MTUS2: variants seen among roughly 807,000 people sequenced by gnomAD.
MTUS2 encodes the protein microtubule-associated tumor suppressor candidate 2.
In MTUS2, 40 loss-of-function variants were observed where a neutral mutation model predicts 114.1. The ratio of observed to expected loss-of-function variants is 0.35; its 90% CI spans 0.27 to 0.46. The LOEUF (loss-of-function observed/expected upper bound fraction) is 0.46. Among genes scored for constraint, MTUS2 ranks in the 20% least tolerant of loss-of-function variants. The probability of loss-of-function intolerance (pLI) is 1.00; values close to 1 mark genes in which losing one functional copy is unlikely to be tolerated. For missense variants in MTUS2, 1,679 were observed against 1,705.4 expected, an observed-to-expected ratio of 0.98 and a Z score of 0.27; for synonymous variants, 688 against 672.0, an observed-to-expected ratio of 1.02 and a Z score of -0.37.
At chr13:28,854,052 G>T (rs1876470046) in intron 2 of MTUS2, among the ~76,000 whole-genome samples, 1 of 152,198 alleles carries the variant, frequency 6.6e-6, no homozygotes, top group South Asian at 2.1e-4. Context: ...ACTCAAGAAA[G>T]CTTAGTGTCC....
intron 5 of MTUS2, among the ~76,000 whole-genome samples, chr13:29,146,515 C>T (rs1291750598): frequency 2.0e-5 from 3 of 152,176 alleles, no homozygotes; most frequent in Admixed American, 1.3e-4. Context: ...ACTAGGCATC[C>T]AATTTCAGCA....
At chr13:29,174,550 A>C (rs2139131689) in intron 5 of MTUS2, among the ~76,000 whole-genome samples, 1 of 152,334 alleles carries the variant, frequency 6.6e-6, no homozygotes, top group East Asian at 1.9e-4. Context: ...TGATGTACAA[A>C]TAAAAGATTA....
chr13:29,059,452 T>C (rs2138638640), intron 4 of MTUS2, among the ~76,000 whole-genome samples: 1 of 152,242 alleles, frequency 6.6e-6, no homozygotes, highest in South Asian at 2.1e-4. Flanking sequence ...AAATCAGCCC[T>C]AATCTACTCT....
intron 2 of MTUS2, among the ~76,000 whole-genome samples, chr13:28,899,575 A>G (rs1879509378): frequency 6.6e-6 from 1 of 151,912 alleles, no homozygotes; most frequent in Non-Finnish European, 1.5e-5. Context: ...ACGCCTGGCT[A>G]ATTTTTTTGA....
intron 2 of MTUS2, among the ~76,000 whole-genome samples, chr13:28,888,841 A>T (rs1279247791): frequency 6.6e-6 from 1 of 152,234 alleles, no homozygotes; most frequent in African/African-American, 2.4e-5. Context: ...GTCCCTTGAG[A>T]TATTGCAAGC....
intron 5 of MTUS2, among the ~76,000 whole-genome samples, chr13:29,212,741 G>A (rs1278573736): frequency 2.0e-5 from 3 of 152,298 alleles, no homozygotes; most frequent in Admixed American, 1.3e-4. Flanking sequence ...GGGGTCCTGA[G>A]TGTGGGAGCT....
chr13:29,025,304 C>G lies in MTUS2; in HGVS notation c.606C>G (p.Ser202=). 6.2e-7 allele frequency: 1 copy of G among 1,613,934 alleles called. No individual in the cohort carries two copies. The highest frequency in any genetic ancestry group is 1.3e-5 in the African/African-American group (1 of 75,028). The change falls in exon 3 of 16, where the codon TCC becomes TCG. Residue 202 remains serine, a synonymous_variant. Transcript: ENST00000612955. Reference sequence around the variant, plus strand: ...ATCCACAGCCTCTATCCCTCGACTCCCGGGAAGCACGGGGTCAGATACCTG... The same window carrying G: ...ATCCACAGCCTCTATCCCTCGACTCGCGGGAAGCACGGGGTCAGATACCTG... ...PQHPQPLSLD[S]REARGQIPGG... is the part of the protein sequence containing the mutation.
At chr13:29,286,484 T>TA (rs1180614465) in intron 6 of MTUS2, among the ~76,000 whole-genome samples, 1 of 152,132 alleles carries the variant, frequency 6.6e-6, no homozygotes, top group Non-Finnish European at 1.5e-5. Context: ...AATAGCATGG[T>TA]AAAATGTGTA....
intron 5 of MTUS2, among the ~76,000 whole-genome samples, chr13:29,118,816 C>T (rs1387335029): frequency 9.9e-5 from 15 of 152,162 alleles, no homozygotes; most frequent in Non-Finnish European, 2.9e-5. Flanking sequence ...GTGCTGTCAC[C>T]TTGGACAAAT....
At chr13:28,871,457 TA>T (rs1348780635) in intron 2 of MTUS2, among the ~76,000 whole-genome samples, 4 of 152,158 alleles carry the variant, frequency 2.6e-5, no homozygotes, top group Admixed American at 2.6e-4. Flanking sequence ...TATAAGATGA[TA>T]ATGGATAGGA....
chr13:29,125,010 G>A (rs1037631300), intron 5 of MTUS2, among the ~76,000 whole-genome samples: 1 of 152,116 alleles, frequency 6.6e-6, no homozygotes, highest in Non-Finnish European at 1.5e-5. Flanking sequence ...GGAGATGGAT[G>A]GTTGTAATTG....
intron 14 of MTUS2, 33 bp from the exon 15 acceptor site, chr13:29,501,064 G>C (rs370893656): frequency 4.0e-5 from 63 of 1,591,622 alleles, no homozygotes; most frequent in Non-Finnish European, 3.9e-5. Context: ...TTATGGCCTT[G>C]CTAGAACCTC....
At chr13:28,861,068 G>A (rs1477033956) in intron 2 of MTUS2, among the ~76,000 whole-genome samples, 2 of 152,152 alleles carry the variant, frequency 1.3e-5, no homozygotes, top group African/African-American at 2.4e-5. Context: ...GGCTGGTAGA[G>A]GGCAGGGCAG....
chr13:29,283,502 ATAAT>A (rs1474380300), intron 6 of MTUS2, among the ~76,000 whole-genome samples: 1 of 152,212 alleles, frequency 6.6e-6, no homozygotes, highest in South Asian at 2.1e-4. Flanking sequence ...TAATTAGAAA[ATAAT>A]TAGACAGCCC....
chr13:28,885,014 G>A (rs1303415827), intron 2 of MTUS2, among the ~76,000 whole-genome samples: 3 of 151,932 alleles, frequency 2.0e-5, no homozygotes, highest in Admixed American at 6.6e-5. Flanking sequence ...TTTTTTTAAG[G>A]TAAGGGTCCA....
Position 29,360,610 on chromosome 13 carries a change from T to C in MTUS2, c.3117+1137T>C, listed in dbSNP as rs191797192. On this transcript the variant is annotated intron_variant, in intron 8 of 15. Coordinates refer to ENST00000612955, the MANE Select transcript of MTUS2 (RefSeq NM_001033602.4). ...TTTAACCCCAGCAGAAAATGGCCAA[T>C]GTGAATTTCATACCTTCCTTTCTGG... is the stretch of plus-strand genomic sequence containing the variant. 2.6e-5 allele frequency among the ~76,000 whole-genome samples: 4 copies of C among 151,554 alleles called. No homozygotes were observed. The East Asian group carries it at 5.9e-4, about 22-fold the overall frequency.
At chr13:28,869,978 C>T (rs1425427985) in intron 2 of MTUS2, among the ~76,000 whole-genome samples, 1 of 152,012 alleles carries the variant, frequency 6.6e-6, no homozygotes, top group Non-Finnish European at 1.5e-5. Context: ...TATGCATTTT[C>T]TGTATTTTTA....
rs570188319 is a variant in MTUS2 at position 29,268,171 on chromosome 13, C to T, written c.2645-13533C>T. Among the ~76,000 whole-genome samples, 34 of 152,074 alleles carry T rather than the reference C, an allele frequency of 2.2e-4. No individual in the cohort carries two copies. The East Asian group carries it at 6.4e-3, about 29-fold the overall frequency. On this transcript the variant is annotated intron_variant, in intron 5 of 15. Transcript: ENST00000612955. ...TAGTTCCCCACCCCCTGACAGGCCC[C>T]GGTGTGTGATAGGCATCAGATTTAA...
At chr13:29,347,894 G>T (rs1398455324) in intron 7 of MTUS2, among the ~76,000 whole-genome samples, 1 of 147,436 alleles carries the variant, frequency 6.8e-6, no homozygotes, top group South Asian at 2.4e-4. Flanking sequence ...TATTATAAAA[G>T]ATATGATAAA....
Sources: gnomAD v4.1 joint callset for allele counts (sites outside exome capture counted in the v4.1 genomes callset) on GRCh38, gnomAD v4.1.1 for gene constraint, MANE v1.5 for transcripts, NCBI Gene and HGNC (gene_info 2026-07-23, HGNC 2026-07-21) for gene names.